CYP24A1: variants seen among roughly 807,000 people sequenced by gnomAD.
CYP24A1 encodes the protein cytochrome P450 family 24 subfamily A member 1, also known as 1,25-dihydroxyvitamin D(3) 24-hydroxylase, mitochondrial.
Under a neutral mutation model 62.4 loss-of-function variants are expected in CYP24A1, and 68 were observed. The ratio of observed to expected loss-of-function variants is 1.09; its 90% CI spans 0.90 to 1.33. The LOEUF (loss-of-function observed/expected upper bound fraction) is 1.33. Ranked by LOEUF, CYP24A1 falls within the 40% of genes most tolerant of loss-of-function variation. The pLI, the probability that CYP24A1 is intolerant of heterozygous loss-of-function variation, is 0.00. For synonymous variants in CYP24A1, 267 were observed against 253.0 expected (o/e 1.06, Z -0.52); for missense variants, 787 against 653.0 (o/e 1.21, Z -2.24).
downstream of CYP24A1, among the ~76,000 whole-genome samples, chr20:54,150,018 T>A (rs2092610204): frequency 6.6e-6 from 1 of 152,216 alleles, no homozygotes; most frequent in African/African-American, 2.4e-5. Context: ...AACCCATTTA[T>A]GCCTAGTGTT....
rs956211957 is a variant in CYP24A1 at position 54,173,370 on chromosome 20, C to T, written c.210G>A (p.Leu70=). 6.2e-7 allele frequency: 1 copy of T among 1,601,668 alleles called. No individual in the cohort carries two copies. Among genetic ancestry groups the T allele is most frequent in the Non-Finnish European group, 8.5e-7 (1 of 1,173,284 alleles). ...GPTSWPLLGS[L]LQILWKGGLK... is the part of the protein sequence containing the mutation. ...GACCCCCTTTCCAGAGAATCTGCAG[C>T]AGGCTGCCCAGCAGTGGCCAGCTGG... Residue 70 remains leucine (L), a synonymous_variant, in exon 1 of 12, where the codon CTG becomes CTA. Coordinates refer to ENST00000216862, the MANE Select transcript of CYP24A1 (RefSeq NM_000782.5). The surrounding 1 kb of genome is among the most constrained non-coding windows in gnomAD (Gnocchi z 7.2).
At chr20:54,148,653 A>C (rs1378756215), downstream of CYP24A1, among the ~76,000 whole-genome samples, 1 of 152,158 alleles carries the variant, frequency 6.6e-6, no homozygotes, top group Non-Finnish European at 1.5e-5. Context: ...AAACAAACAA[A>C]CAAAAAACCA....
intron 6 of CYP24A1, among the ~76,000 whole-genome samples, 162 bp downstream of exon 6, chr20:54,164,290 A>G (rs1432751019): frequency 6.6e-6 from 1 of 152,202 alleles, no homozygotes; most frequent in African/African-American, 2.4e-5. Flanking sequence ...AAAGCTTGTT[A>G]CTTAGAATTT....
intron 5 of CYP24A1, 24 bp downstream of exon 5, chr20:54,165,718 T>C (rs771460368): frequency 7.9e-6 from 9 of 1,143,914 alleles, no homozygotes; most frequent in Middle Eastern, 1.9e-4. Flanking sequence ...TCAAGAAAAC[T>C]GCTTTCTTAA....
chr20:54,148,373 C>CACAG, the CYP24A1 span, among the ~76,000 whole-genome samples: 20 of 132,614 alleles, frequency 1.5e-4, 1 homozygote, highest in Admixed American at 7.1e-4. Context: ...CACACAGACA[C>CACAG]ACACACACAC....
chr20:54,145,521 T>A, the CYP24A1 span, among the ~76,000 whole-genome samples: 1 of 151,242 alleles, frequency 6.6e-6, no homozygotes, highest in Non-Finnish European at 1.5e-5. Context: ...GCACCTGTAA[T>A]CCCAGCTACT....
At position 54,158,086 on chromosome 20, in the gene CYP24A1, T is replaced by C. The variant is rs2092636072; in HGVS notation, c.1236A>G (p.Gly412=). ...TVLGEYALPK[G]TVLMLNTQVL... ...TATAGAATATACAAATTCTACTTAC[T>C]CCTTTGGGTAAAGCATATTCACCCA... The change falls in exon 9 of 12, where the codon GGA becomes GGG. Residue 412 remains glycine (G), a splice_region_variant and synonymous_variant. Coordinates refer to ENST00000216862, the MANE Select transcript of CYP24A1 (RefSeq NM_000782.5). The C allele has an allele frequency of 1.2e-6, 2 of 1,613,816 alleles. No homozygotes were observed. The highest frequency in any genetic ancestry group is 1.1e-5 in the South Asian group (1 of 91,082).
the CYP24A1 span, among the ~76,000 whole-genome samples, chr20:54,145,595 G>T: frequency 1.4e-5 from 2 of 146,732 alleles, no homozygotes; most frequent in Non-Finnish European, 3.0e-5. Flanking sequence ...AGCCAAGATC[G>T]TGCCACTGCA....
chr20:54,145,661 A>G, the CYP24A1 span, among the ~76,000 whole-genome samples: 189 of 134,052 alleles, frequency 1.4e-3, no homozygotes, highest in Middle Eastern at 7.7e-3. Context: ...AAAAAAAAAA[A>G]GGGGGCTGCC....
Position 54,173,573 on chromosome 20 carries a change from A to G in CYP24A1, c.7T>C (p.Ser3Pro). The G allele has an allele frequency of 1.3e-6, 2 of 1,573,356 alleles. No homozygotes were observed. Among genetic ancestry groups the G allele is most frequent in the Non-Finnish European group, 1.7e-6 (2 of 1,165,176 alleles). The change falls in exon 1 of 12, where the codon TCC (serine) becomes CCC (proline). Residue 3 changes from serine to proline, a missense_variant. By Grantham distance (74) the Ser-to-Pro change is moderately conservative (BLOSUM62 -1). Transcript: ENST00000216862. The surrounding 1 kb of genome is among the most constrained non-coding windows in gnomAD (Gnocchi z 7.2). MS[S>P]PISKSRSLAA... is the part of the protein sequence containing the mutation. ...AGCGAGCGGCTCTTGCTGATGGGGG[A>G]GCTCATGGCAGCGGGGGACACCGGA...
intron 11 of CYP24A1, among the ~76,000 whole-genome samples, chr20:54,156,045 A>G (rs1029031936): frequency 1.2e-4 from 18 of 152,246 alleles, no homozygotes; most frequent in African/African-American, 4.3e-4. Flanking sequence ...TACTGCAGAA[A>G]AAATATTCTA....
chr20:54,157,480 T>C lies in CYP24A1; in HGVS notation c.1342A>G (p.Asn448Asp). 6.2e-7 allele frequency: 1 copy of C among 1,600,048 alleles called. No individual in the cohort carries two copies. The highest frequency in any genetic ancestry group is 8.6e-7 in the Non-Finnish European group (1 of 1,167,050). The change falls in exon 10 of 12, where the codon AAT (asparagine) becomes GAT (aspartate). Residue 448 changes from asparagine (N) to aspartate (D), a missense_variant. By Grantham distance (23) the Asn-to-Asp change is conservative. Transcript: ENST00000216862. ...ERWLQEKEKINPFAHLPFGVG... is the reference protein window; with the variant it reads ...ERWLQEKEKIDPFAHLPFGVG... The stretch of plus-strand genomic sequence containing the variant: ...CCAAATGGAAGATGCGCAAAAGGAT[T>C]AATTTTTTCCTTCTCCTGAAGCCAA...
At chr20:54,157,963 C>A in intron 9 of CYP24A1, 123 bp downstream of exon 9, 1 of 1,500,152 alleles carries the variant, frequency 6.7e-7, no homozygotes, top group Non-Finnish European at 9.0e-7. Flanking sequence ...CAACTATTCT[C>A]TACCATCTCT....
intron 4 of CYP24A1, among the ~76,000 whole-genome samples, chr20:54,168,924 G>A (rs1258623073): frequency 1.4e-5 from 2 of 144,768 alleles, no homozygotes; most frequent in African/African-American, 2.6e-5. Flanking sequence ...TTGAGACGGG[G>A]TCTCACACTG....
In CYP24A1 at chr20:54,173,660, G is replaced by A. The variant is rs2092703571; in HGVS notation, c.-81C>T. ...GGTACGAGGTGCTAGTGGGAGTCGG[G>A]GCTTAACGATTCTGGGAAAAGGAAG... is the stretch of plus-strand genomic sequence containing the variant. On this transcript the variant is annotated 5_prime_UTR_variant, in exon 1 of 12. Coordinates refer to ENST00000216862, the MANE Select transcript of CYP24A1 (RefSeq NM_000782.5). This position sits in a 1 kb window ranked among gnomAD's most constrained non-coding sequence, Gnocchi z 7.2. 2.1e-6 allele frequency: 2 copies of A among 944,000 alleles called. No individual in the cohort carries two copies. The highest frequency in any genetic ancestry group is 1.5e-5 in the South Asian group (1 of 66,202). 58.5% of individuals were successfully genotyped at this position (944,000 alleles called of 1,614,324 possible).
chr20:54,167,994 A>C (rs1215835994), intron 4 of CYP24A1, among the ~76,000 whole-genome samples: 1 of 152,138 alleles, frequency 6.6e-6, no homozygotes, highest in Non-Finnish European at 1.5e-5. Flanking sequence ...ACAGCCCTCC[A>C]TGAGCTGGCT....
chr20:54,167,593 G>A (rs1286008113), intron 4 of CYP24A1, among the ~76,000 whole-genome samples: 3 of 152,148 alleles, frequency 2.0e-5, no homozygotes, highest in Admixed American at 1.3e-4. Flanking sequence ...GCAACATGGT[G>A]AAACCCCATC....
chr20:54,164,092 C>T (rs1199793062), intron 6 of CYP24A1, among the ~76,000 whole-genome samples: 5 of 152,128 alleles, frequency 3.3e-5, no homozygotes, highest in East Asian at 3.9e-4. Context: ...CCCACCACCA[C>T]GCCCAGCTAA....
chr20:54,163,397 C>A (rs1330758652), intron 6 of CYP24A1, among the ~76,000 whole-genome samples: 1 of 152,196 alleles, frequency 6.6e-6, no homozygotes, highest in Non-Finnish European at 1.5e-5. Context: ...AACATAAAAT[C>A]TAGGCGTGTA....
Sources: allele counts gnomAD v4.1 joint callset (sites outside exome capture counted in the v4.1 genomes callset), GRCh38; gene constraint gnomAD v4.1.1; non-coding constraint Gnocchi (gnomAD v3.1); transcripts MANE v1.5; gene names NCBI Gene and HGNC (gene_info 2026-07-23, HGNC 2026-07-21).